Variants in GABRG3 observed in about 807,000 individuals in gnomAD.
GABRG3 encodes gamma-aminobutyric acid type A receptor subunit gamma3, also known as gamma-aminobutyric acid receptor subunit gamma-3.
GABRG3 carries 25 observed loss-of-function variants against 48.8 expected under a neutral mutation model. The ratio of observed to expected loss-of-function variants is 0.51; its 90% CI spans 0.37 to 0.72. The LOEUF (loss-of-function observed/expected upper bound fraction) is 0.72. Among genes scored for constraint, GABRG3 ranks in the 30% least tolerant of loss-of-function variants. The pLI, the probability that GABRG3 is intolerant of heterozygous loss-of-function variation, is 0.00. For synonymous variants in GABRG3, 227 were observed against 217.6 expected, an observed-to-expected ratio of 1.04 and a Z score of -0.38; for missense variants, 394 against 577.9, an observed-to-expected ratio of 0.68 and a Z score of 3.26.
Position 27,179,414 on chromosome 15 carries a change from C to G in GABRG3, c.271-147395C>G, listed in dbSNP as rs946296328. Among the ~76,000 whole-genome samples the G allele has an allele frequency of 2.0e-5, 3 of 152,042 alleles. No individual in the cohort carries two copies. The highest frequency in any genetic ancestry group is 7.2e-5 in the African/African-American group (3 of 41,380). On this transcript the variant is annotated intron_variant, in intron 3 of 9. Coordinates refer to ENST00000615808, the MANE Select transcript of GABRG3 (RefSeq NM_033223.5). This position sits in a 1 kb window ranked among gnomAD's most constrained non-coding sequence, Gnocchi z 4.0. ...TTTCCATTTTTGTTGATAATGATGC[C>G]CTCAGTTTTGTAATTGCTTATTTAC... is the stretch of plus-strand genomic sequence containing the variant.
intron 2 of GABRG3, among the ~76,000 whole-genome samples, chr15:27,020,495 T>C (rs1184791459): frequency 6.6e-6 from 1 of 152,162 alleles, no homozygotes; most frequent in Non-Finnish European, 1.5e-5. Flanking sequence ...CACTGCAAGC[T>C]CCGCCTCCTG....
intron 2 of GABRG3, among the ~76,000 whole-genome samples, chr15:26,999,075 C>T (rs1369939675): frequency 6.6e-6 from 1 of 151,286 alleles, no homozygotes; most frequent in African/African-American, 2.4e-5. Context: ...GTTGGCCCTT[C>T]CTTATCCATG....
At chr15:27,296,705 CCTA>C (rs1453721943) in intron 3 of GABRG3, among the ~76,000 whole-genome samples, 6 of 152,108 alleles carry the variant, frequency 3.9e-5, no homozygotes, top group Non-Finnish European at 8.8e-5. Flanking sequence ...TGCAAACAAA[CCTA>C]CTGCACTGCT....
At chr15:27,518,195 C>CAAAAAAAAAACAAAAAAAAAAAA (rs1891069823) in intron 6 of GABRG3, among the ~76,000 whole-genome samples, 1 of 88,032 alleles carries the variant, frequency 1.1e-5, no homozygotes, top group African/African-American at 4.3e-5. Context: ...ACTAAAAATA[C>CAAAAAAAAAACAAAAAAAAAAAA]AAAAAAAAAA....
At chr15:27,463,786 A>G (rs1369605265) in intron 5 of GABRG3, among the ~76,000 whole-genome samples, 1 of 152,198 alleles carries the variant, frequency 6.6e-6, no homozygotes, top group Non-Finnish European at 1.5e-5. Context: ...ATTTAGAAGC[A>G]CTGTGCAGGG....
At chr15:27,504,555 T>G (rs1890719022) in intron 6 of GABRG3, among the ~76,000 whole-genome samples, 2 of 152,336 alleles carry the variant, frequency 1.3e-5, no homozygotes, top group African/African-American at 4.8e-5. Context: ...CTTTTGCATA[T>G]GTTAAATATC....
At chr15:27,357,316 A>G (rs942976836) in intron 5 of GABRG3, among the ~76,000 whole-genome samples, 1 of 152,214 alleles carries the variant, frequency 6.6e-6, no homozygotes, top group African/African-American at 2.4e-5. Context: ...ATGAAATTCA[A>G]GTGGGTAAAT....
Position 27,180,208 on chromosome 15 carries a change from A to C in GABRG3, c.271-146601A>C, listed in dbSNP as rs1184325826. On this transcript the variant is annotated intron_variant, in intron 3 of 9. Coordinates refer to ENST00000615808, the MANE Select transcript of GABRG3 (RefSeq NM_033223.5). This position sits in a 1 kb window ranked among gnomAD's most constrained non-coding sequence, Gnocchi z 4.2. Reference sequence around the variant, plus strand: ...CATAATGAACACACACTTTTTCTGAAGGACCTTAGCACGGTCTAAATAAAG... The same window carrying C: ...CATAATGAACACACACTTTTTCTGACGGACCTTAGCACGGTCTAAATAAAG... Among the ~76,000 whole-genome samples, 1 of 152,140 alleles carries C rather than the reference A, an allele frequency of 6.6e-6. No individual in the cohort carries two copies. Among genetic ancestry groups the C allele is most frequent in the Non-Finnish European group, 1.5e-5 (1 of 68,018 alleles).
intron 3 of GABRG3, among the ~76,000 whole-genome samples, chr15:27,283,954 T>C (rs2140481461): frequency 6.6e-6 from 1 of 152,344 alleles, no homozygotes; most frequent in South Asian, 2.1e-4. Context: ...CAGTCTCTTT[T>C]CTAAGAGAGG....
chr15:27,321,284 A>G (rs1377182480), intron 3 of GABRG3, among the ~76,000 whole-genome samples: 1 of 152,172 alleles, frequency 6.6e-6, no homozygotes, highest in Non-Finnish European at 1.5e-5. Flanking sequence ...AGTGCCCCGC[A>G]AAGGACTCTT....
intron 3 of GABRG3, among the ~76,000 whole-genome samples, chr15:27,146,567 A>T (rs1373778549): frequency 6.6e-6 from 1 of 152,192 alleles, no homozygotes; most frequent in African/African-American, 2.4e-5. Context: ...AAAATTAAAA[A>T]GCAGCTGCAT....
chr15:27,453,973 G>A (rs778550531), intron 5 of GABRG3, among the ~76,000 whole-genome samples: 1 of 152,122 alleles, frequency 6.6e-6, no homozygotes, highest in African/African-American at 2.4e-5. Flanking sequence ...TCTCAGCTAT[G>A]CCTGTGTGCT....
chr15:27,132,483 T>C (rs891801081), intron 3 of GABRG3, among the ~76,000 whole-genome samples: 1 of 146,318 alleles, frequency 6.8e-6, no homozygotes, highest in African/African-American at 2.5e-5. Flanking sequence ...TTTTTTTTTT[T>C]TTTTTTTTTT....
chr15:27,331,668 G>A (rs1299744870), intron 5 of GABRG3, among the ~76,000 whole-genome samples: 1 of 152,192 alleles, frequency 6.6e-6, no homozygotes, highest in South Asian at 2.1e-4. Context: ...CCCATAGAAT[G>A]TACAACACTA....
rs34945583 is a variant in GABRG3 at position 27,308,798 on chromosome 15, G to T, written c.271-18011G>T. On this transcript the variant is annotated intron_variant, in intron 3 of 9. Transcript: ENST00000615808. ...TATATAAAACACAATGTAAACATACGTTTATATAAAAACACATATAGTGTA... is the reference window on the plus strand; with the variant it reads ...TATATAAAACACAATGTAAACATACTTTTATATAAAAACACATATAGTGTA... 1.2e-3 allele frequency among the ~76,000 whole-genome samples: 174 copies of T among 149,290 alleles called. 2 individuals are homozygous for T. The highest frequency in any genetic ancestry group is 3.0e-4 in the Non-Finnish European group (20 of 66,996).
chr15:27,363,164 A>G (rs1895078389), intron 5 of GABRG3: 1 of 152,128 alleles, frequency 6.6e-6, no homozygotes, highest in African/African-American at 2.4e-5. Flanking sequence ...TCCTCCACAA[A>G]CACTGCAAAG....
intron 3 of GABRG3, among the ~76,000 whole-genome samples, chr15:27,264,966 AC>A (rs749853633): frequency 1.3e-5 from 2 of 152,046 alleles, no homozygotes; most frequent in Non-Finnish European, 2.9e-5. Context: ...AAATATCTCT[AC>A]CCTATTCCTC....
chr15:27,132,547 C>T (rs1483641060), intron 3 of GABRG3, among the ~76,000 whole-genome samples: 2 of 119,308 alleles, frequency 1.7e-5, no homozygotes, highest in Admixed American at 1.0e-4. Context: ...AAAGGTTGTA[C>T]GTTTCCAGAA....
intron 3 of GABRG3, among the ~76,000 whole-genome samples, chr15:27,211,191 A>G (rs1315202726): frequency 6.6e-6 from 1 of 152,182 alleles, no homozygotes; most frequent in African/African-American, 2.4e-5. Flanking sequence ...GCCCTCCAGG[A>G]GTGGATCTGC....
Sources: allele counts gnomAD v4.1 joint callset (sites outside exome capture counted in the v4.1 genomes callset), GRCh38; gene constraint gnomAD v4.1.1; non-coding constraint Gnocchi (gnomAD v3.1); transcripts MANE v1.5; gene names NCBI Gene and HGNC (gene_info 2026-07-23, HGNC 2026-07-21).